The following SCHIP1 variants were observed in gnomAD, a reference collection of about 807,000 sequenced individuals.
SCHIP1 encodes schwannomin-interacting protein 1.
SCHIP1 carries 8 observed loss-of-function variants against 29.7 expected under a neutral mutation model. The observed-to-expected ratio is 0.27, with a 90% CI of 0.16 to 0.49. SCHIP1 has a LOEUF of 0.49. Ranked by LOEUF, SCHIP1 falls within the 20% of genes least tolerant of loss-of-function variation. The pLI, the probability that SCHIP1 is intolerant of heterozygous loss-of-function variation, is 0.99. For missense variants in SCHIP1, 193 were observed against 294.6 expected, an observed-to-expected ratio of 0.66 and a Z score of 2.52; for synonymous variants, 76 against 94.9, an observed-to-expected ratio of 0.80 and a Z score of 1.16.
the SCHIP1 span, among the ~76,000 whole-genome samples, chr3:159,751,536 T>C: frequency 6.7e-6 from 1 of 149,104 alleles, no homozygotes; most frequent in Admixed American, 6.7e-5. Flanking sequence ...CCAGCTCTTC[T>C]GAACAATTAT....
intron 2 of SCHIP1, among the ~76,000 whole-genome samples, chr3:159,883,812 G>A (rs1193318423): frequency 6.6e-6 from 1 of 151,884 alleles, no homozygotes. Flanking sequence ...TACCTGCGGC[G>A]TTTTTTGATT....
chr3:159,647,745 A>G, the SCHIP1 span, among the ~76,000 whole-genome samples: 1 of 152,308 alleles, frequency 6.6e-6, no homozygotes, highest in Non-Finnish European at 1.5e-5. Flanking sequence ...CTTGTCTAGA[A>G]GCTTGTGTCT....
At chr3:159,556,857 T>G in the SCHIP1 span, among the ~76,000 whole-genome samples, 1 of 151,158 alleles carries the variant, frequency 6.6e-6, no homozygotes. Context: ...GCATGGCACA[T>G]GTATACATAT....
the SCHIP1 span, among the ~76,000 whole-genome samples, chr3:159,277,323 C>T: frequency 1.3e-5 from 2 of 152,266 alleles, no homozygotes; most frequent in Middle Eastern, 6.8e-3. Context: ...AATGATGTGA[C>T]AGTAGATATA....
chr3:159,675,519 G>C, the SCHIP1 span, among the ~76,000 whole-genome samples: 1 of 152,212 alleles, frequency 6.6e-6, no homozygotes, highest in Non-Finnish European at 1.5e-5. Flanking sequence ...GCATCACTAT[G>C]AAATCTTTGG....
chr3:159,842,438 G>C (rs1363392445), intron 1 of SCHIP1, among the ~76,000 whole-genome samples: 2 of 152,040 alleles, frequency 1.3e-5, no homozygotes, highest in Non-Finnish European at 2.9e-5. Context: ...ACCTACCCCT[G>C]CCCTTGCCCA....
chr3:159,800,087 G>A, the SCHIP1 span, among the ~76,000 whole-genome samples: 740 of 152,298 alleles, frequency 4.9e-3, 4 homozygotes, highest in Non-Finnish European at 7.8e-3. Flanking sequence ...TATCTATTAT[G>A]TGCCATGCAC....
At chr3:159,317,837 T>A in the SCHIP1 span, among the ~76,000 whole-genome samples, 1 of 152,180 alleles carries the variant, frequency 6.6e-6, no homozygotes, top group East Asian at 1.9e-4. Context: ...ATGTGCAGGA[T>A]AGGCAATCCC....
At chr3:159,734,174 G>A in the SCHIP1 span, among the ~76,000 whole-genome samples, 1 of 108,864 alleles carries the variant, frequency 9.2e-6, no homozygotes, top group Non-Finnish European at 1.7e-5. Context: ...AGGGAGTCTT[G>A]CTCTGTCGCC....
the SCHIP1 span, among the ~76,000 whole-genome samples, chr3:159,665,729 G>A: frequency 2.0e-5 from 3 of 152,148 alleles, no homozygotes; most frequent in African/African-American, 7.2e-5. Context: ...AATAAGCAGT[G>A]GAGGATGCCA....
chr3:159,760,242 A>G, the SCHIP1 span, among the ~76,000 whole-genome samples: 1 of 152,226 alleles, frequency 6.6e-6, no homozygotes, highest in African/African-American at 2.4e-5. Context: ...AAAGGGGAAC[A>G]GCTGTTCTTG....
At chr3:159,449,918 A>T in the SCHIP1 span, among the ~76,000 whole-genome samples, 1 of 152,072 alleles carries the variant, frequency 6.6e-6, no homozygotes, top group African/African-American at 2.4e-5. Context: ...AAGGGAAGAA[A>T]GAGAAGAGAA....
chr3:159,718,466 T>C, the SCHIP1 span, among the ~76,000 whole-genome samples: 1 of 152,306 alleles, frequency 6.6e-6, no homozygotes, highest in East Asian at 1.9e-4. Context: ...ATGACATGAT[T>C]GTATATTTAG....
At chr3:159,625,747 C>A in the SCHIP1 span, among the ~76,000 whole-genome samples, 5 of 151,962 alleles carry the variant, frequency 3.3e-5, no homozygotes, top group African/African-American at 1.2e-4. Flanking sequence ...TCCTTAACTC[C>A]CAACTTATCC....
At chr3:159,685,342 CT>C in the SCHIP1 span, among the ~76,000 whole-genome samples, 1 of 152,130 alleles carries the variant, frequency 6.6e-6, no homozygotes, top group East Asian at 1.9e-4. Flanking sequence ...TCATGTCTTA[CT>C]ATTAAAACTC....
chr3:159,855,305 T>C (rs959095658), intron 1 of SCHIP1, among the ~76,000 whole-genome samples: 1 of 152,210 alleles, frequency 6.6e-6, no homozygotes, highest in Non-Finnish European at 1.5e-5. Flanking sequence ...TATGAGCTAG[T>C]GAAACAGGGC....
chr3:159,741,213 G>T, the SCHIP1 span, among the ~76,000 whole-genome samples: 4 of 152,122 alleles, frequency 2.6e-5, no homozygotes, highest in Non-Finnish European at 5.9e-5. Flanking sequence ...AGAAGAATGA[G>T]CCCAAGCTAA....
chr3:159,508,268 T>C, the SCHIP1 span, among the ~76,000 whole-genome samples: 6 of 152,334 alleles, frequency 3.9e-5, no homozygotes, highest in East Asian at 1.2e-3. Context: ...ATGTTTATAG[T>C]ATTCTCTGAC....
intron 1 of SCHIP1, among the ~76,000 whole-genome samples, chr3:159,862,327 G>A (rs200150968): frequency 1.3e-5 from 2 of 152,158 alleles, no homozygotes; most frequent in East Asian, 3.8e-4. Flanking sequence ...GCATGGACTT[G>A]GATCCTACTG....
Sources: allele counts gnomAD v4.1 joint callset (sites outside exome capture counted in the v4.1 genomes callset), GRCh38; gene constraint gnomAD v4.1.1; transcripts MANE v1.5; gene names NCBI Gene and HGNC (gene_info 2026-07-23, HGNC 2026-07-21).